The following VPS54 variants were observed in gnomAD, a reference collection of about 807,000 sequenced individuals.
VPS54 encodes VPS54 subunit of GARP complex.
A neutral mutation model predicts 121.5 loss-of-function variants in VPS54; 45 were observed. The ratio of observed to expected loss-of-function variants is 0.37; its 90% CI spans 0.29 to 0.47. The LOEUF is 0.47. VPS54 is among the 20% of genes least tolerant of loss of function. VPS54 has a pLI of 0.99. For missense variants in VPS54, 1,090 were observed against 1,131.4 expected (o/e 0.96, Z 0.52); for synonymous variants, 371 against 385.8 (o/e 0.96, Z 0.45).
At chr2:63,897,079 TAC>T (rs992359530) in intron 22 of VPS54, among the ~76,000 whole-genome samples, 33 of 152,322 alleles carry the variant, frequency 2.2e-4, no homozygotes, top group African/African-American at 7.9e-4. Context: ...TATATACATA[TAC>T]ACACATATAT....
intron 1 of VPS54, among the ~76,000 whole-genome samples, chr2:64,012,132 A>G (rs1678458407): frequency 6.6e-6 from 1 of 152,128 alleles, no homozygotes; most frequent in Admixed American, 6.5e-5. Context: ...GCCCTGCTCT[A>G]CTTTACTAAC....
rs796246442 is a variant in VPS54, at chr2:63,932,705, A to G, written c.1739+968T>C. ...ATAATAAAGTACTGAGTTGATTTATATAAAGATAATAAAAATATTGTTATT... is the reference window on the plus strand; with the variant it reads ...ATAATAAAGTACTGAGTTGATTTATGTAAAGATAATAAAAATATTGTTATT... On this transcript the variant is annotated intron_variant, in intron 12 of 22. Transcript: ENST00000272322. Among the ~76,000 whole-genome samples the G allele has an allele frequency of 3.9e-5, 6 of 152,032 alleles. 1 individual carries two copies. Among genetic ancestry groups the G allele is most frequent in the African/African-American group, 1.4e-4 (6 of 41,514 alleles).
At chr2:63,994,633 G>A (rs755652258) in intron 1 of VPS54, among the ~76,000 whole-genome samples, 7 of 152,178 alleles carry the variant, frequency 4.6e-5, no homozygotes, top group Non-Finnish European at 1.0e-4. Context: ...CTTCCAGAGA[G>A]ATCAGCTACA....
At chr2:63,975,044 AG>A (rs1376662256) in intron 3 of VPS54, 2 of 1,547,988 alleles carry the variant, frequency 1.3e-6, no homozygotes, top group African/African-American at 2.7e-5. Context: ...GAGTTTTTGT[AG>A]ATTTTTTTTT....
chr2:63,969,382 T>C (rs1676159215), intron 4 of VPS54, among the ~76,000 whole-genome samples: 1 of 152,130 alleles, frequency 6.6e-6, no homozygotes, highest in Non-Finnish European at 1.5e-5. Flanking sequence ...CCAGTCCCCA[T>C]CAATCACATT....
intron 3 of VPS54, chr2:63,974,883 T>G (rs964917906): frequency 3.5e-5 from 45 of 1,292,190 alleles, no homozygotes; most frequent in Non-Finnish European, 4.3e-5. Context: ...GGAAACAGTT[T>G]TACTTCTTCC....
chr2:63,945,989 C>T (rs1674960414), intron 9 of VPS54, among the ~76,000 whole-genome samples: 2 of 152,068 alleles, frequency 1.3e-5, no homozygotes, highest in South Asian at 2.1e-4. Flanking sequence ...GTAATCAGAA[C>T]TCAGCTCATG....
intron 6 of VPS54, among the ~76,000 whole-genome samples, chr2:63,964,102 G>C (rs1464824279): frequency 6.6e-6 from 1 of 152,118 alleles, no homozygotes; most frequent in Non-Finnish European, 1.5e-5. Flanking sequence ...GCTCTTAAAA[G>C]CGAACATGAT....
At chr2:63,920,198 T>A (rs1394722868) in intron 14 of VPS54, among the ~76,000 whole-genome samples, 1 of 152,134 alleles carries the variant, frequency 6.6e-6, no homozygotes, top group Non-Finnish European at 1.5e-5. Flanking sequence ...ACAATTTACT[T>A]AACTTTGAGT....
At position 63,893,265 on chromosome 2, in the gene VPS54, C is replaced by A; in HGVS notation, c.*165G>T. ...CACAAAAATGACATTCCTTGTAGAT[C>A]CCACTGAATCCAGTTTCCCAACACT... On this transcript the variant is annotated 3_prime_UTR_variant, in exon 23 of 23. Transcript: ENST00000272322. The A allele has an allele frequency of 1.4e-6, 1 of 730,916 alleles. No individual in the cohort carries two copies. The highest frequency in any genetic ancestry group is 1.4e-5 in the South Asian group (1 of 69,124). The allele number at this position is 730,916 out of a possible 1,614,324, so 45.3% of individuals were successfully genotyped here.
chr2:63,928,375 T>A (rs1165821007), intron 12 of VPS54, among the ~76,000 whole-genome samples: 3 of 151,650 alleles, frequency 2.0e-5, no homozygotes, highest in Non-Finnish European at 1.5e-5. Context: ...TCTTAAAGAA[T>A]TTTCAACCCA....
At chr2:63,984,790 T>A (rs1178023979) in intron 1 of VPS54, among the ~76,000 whole-genome samples, 1 of 152,172 alleles carries the variant, frequency 6.6e-6, no homozygotes, top group African/African-American at 2.4e-5. Flanking sequence ...GACAACATAA[T>A]ACAGGCTACA....
intron 7 of VPS54, among the ~76,000 whole-genome samples, chr2:63,950,258 G>A (rs1029555726): frequency 2.6e-5 from 4 of 152,174 alleles, no homozygotes; most frequent in Non-Finnish European, 4.4e-5. Flanking sequence ...CTTCAATGGT[G>A]TAATCCTTCC....
intron 20 of VPS54, among the ~76,000 whole-genome samples, chr2:63,906,273 T>C (rs1672900001): frequency 6.6e-6 from 1 of 151,936 alleles, no homozygotes; most frequent in African/African-American, 2.4e-5. Context: ...TGCAGAAAAA[T>C]CCCAAAGAAT....
intron 21 of VPS54, among the ~76,000 whole-genome samples, chr2:63,898,383 T>C (rs1033891337): frequency 1.7e-4 from 26 of 152,162 alleles, no homozygotes; most frequent in African/African-American, 5.3e-4. Context: ...ACGACCCTAG[T>C]GGGTACGTCG....
chr2:63,925,844 G>C (rs1030044725), intron 12 of VPS54, among the ~76,000 whole-genome samples: 4 of 152,188 alleles, frequency 2.6e-5, no homozygotes, highest in African/African-American at 9.7e-5. Context: ...AGCAGCAAGA[G>C]GGGCTTCTGA....
intron 20 of VPS54, among the ~76,000 whole-genome samples, chr2:63,901,711 G>A (rs1374791629): frequency 1.3e-5 from 2 of 152,180 alleles, no homozygotes; most frequent in Non-Finnish European, 2.9e-5. Context: ...TGTGAAGCCA[G>A]GAACAAAACA....
At chr2:63,911,785 T>TA (rs1673159151) in intron 20 of VPS54, among the ~76,000 whole-genome samples, 1 of 152,228 alleles carries the variant, frequency 6.6e-6, no homozygotes, top group Non-Finnish European at 1.5e-5. Flanking sequence ...ACTTTCAAGT[T>TA]ACGAAATTTT....
intron 3 of VPS54, among the ~76,000 whole-genome samples, chr2:63,979,239 T>C (rs930246484): frequency 2.7e-5 from 4 of 150,118 alleles, no homozygotes; most frequent in Non-Finnish European, 4.4e-5. Context: ...TTTTTTCTGT[T>C]TGTTTTTTTT....
Sources: allele counts gnomAD v4.1 joint callset (sites outside exome capture counted in the v4.1 genomes callset), GRCh38; gene constraint gnomAD v4.1.1; transcripts MANE v1.5; gene names NCBI Gene and HGNC (gene_info 2026-07-23, HGNC 2026-07-21).